SLC36A4: variants seen among roughly 807,000 people sequenced by gnomAD.
SLC36A4 encodes the protein solute carrier family 36 member 4.
SLC36A4 carries 49 observed loss-of-function variants against 50.5 expected under a neutral mutation model. The observed-to-expected ratio is 0.97, with a 90% CI of 0.77 to 1.23. The LOEUF (loss-of-function observed/expected upper bound fraction) is 1.23, where lower values mean the gene tolerates loss of function less well. Ranked by LOEUF, SLC36A4 falls within the 50% of genes most tolerant of loss-of-function variation. The pLI is 0.00. For missense variants in SLC36A4, 611 were observed against 608.4 expected (o/e 1.00, Z -0.05); for synonymous variants, 207 against 206.5 (o/e 1.00, Z -0.02).
At chr11:93,176,816 C>G (rs532307776) in intron 6 of SLC36A4, among the ~76,000 whole-genome samples, 27 of 152,156 alleles carry the variant, frequency 1.8e-4, no homozygotes, top group African/African-American at 5.6e-4. Context: ...GCCGAGAGAT[C>G]CACTGTTAAG....
At chr11:93,182,512 C>T (rs189574483) in intron 4 of SLC36A4, among the ~76,000 whole-genome samples, 1 of 152,178 alleles carries the variant, frequency 6.6e-6, no homozygotes, top group Admixed American at 6.5e-5. Flanking sequence ...GACTATTATG[C>T]TATAGCTAAA....
Position 93,194,602 on chromosome 11 carries a change from C to T in SLC36A4, c.55+3176G>A, listed in dbSNP as rs144312725. ...AATTCTTTTTTTAAATTAAATAACA[C>T]TTGGTCATTGTAGAAAATCAGAAAA... On this transcript the variant is annotated intron_variant, in intron 1 of 10. Coordinates refer to ENST00000326402, the MANE Select transcript of SLC36A4 (RefSeq NM_152313.4). Among the ~76,000 whole-genome samples the T allele has an allele frequency of 6.2e-4, 95 of 152,226 alleles. 2 individuals are homozygous for T. The East Asian group carries it at 0.018, about 28-fold the overall frequency.
chr11:93,191,146 A>C (rs1370308190), intron 1 of SLC36A4, among the ~76,000 whole-genome samples: 1 of 152,242 alleles, frequency 6.6e-6, no homozygotes, highest in Non-Finnish European at 1.5e-5. Context: ...AAATAGAGTC[A>C]ACTAGTCATT....
intron 7 of SLC36A4, among the ~76,000 whole-genome samples, chr11:93,167,697 T>C (rs1368047006): frequency 6.6e-6 from 1 of 152,116 alleles, no homozygotes; most frequent in Non-Finnish European, 1.5e-5. Context: ...TGAAGCACTG[T>C]CACAAAGCCC....
intron 8 of SLC36A4, 96 bp from the exon 9 acceptor site, chr11:93,162,971 A>G: frequency 9.0e-7 from 1 of 1,117,282 alleles, no homozygotes; most frequent in South Asian, 1.5e-5. Flanking sequence ...TATAGCCTAT[A>G]TGCAAATTTT....
At position 93,197,837 on chromosome 11, in the gene SLC36A4, C is replaced by A; in HGVS notation, c.-5G>T. The A allele has an allele frequency of 6.4e-7, 1 of 1,567,100 alleles. No homozygotes were observed. On this transcript the variant is annotated 5_prime_UTR_variant, in exon 1 of 11. Transcript: ENST00000326402. ...CGGCGTCGCCGCCGCTTCCATCTCT[C>A]GCGGGTCTCCAGGACGCCGCCGCCC...
intron 1 of SLC36A4, chr11:93,197,507 C>G (rs921255269): frequency 8.9e-5 from 46 of 519,590 alleles, no homozygotes; most frequent in South Asian, 1.5e-4. Context: ...CCCACAGGGC[C>G]CCGCCCCACT....
intron 1 of SLC36A4, 76 bp downstream of exon 1, chr11:93,197,702 G>C (rs955463242): frequency 6.1e-6 from 9 of 1,476,352 alleles, no homozygotes; most frequent in Non-Finnish European, 8.2e-6. Context: ...GGCCCCTGGA[G>C]GTGTGGGCGC....
At chr11:93,171,754 C>T (rs1055409147) in intron 6 of SLC36A4, 1 of 151,950 alleles carries the variant, frequency 6.6e-6, no homozygotes, top group African/African-American at 2.4e-5. Flanking sequence ...TATGTCTTAT[C>T]AGTTCTTGTT....
chr11:93,184,462 G>A lies in SLC36A4; in HGVS notation c.238C>T (p.Leu80Phe), dbSNP rs780712887. Residue 80 changes from leucine (L) to phenylalanine (F), a missense_variant, in exon 3 of 11, where the codon CTT (leucine) becomes TTT (phenylalanine). By Grantham distance (22) the Leu-to-Phe change is conservative. Transcript: ENST00000326402. ...KGNIGTGLLG[L>F]PLAIKNAGIV... is the part of the protein sequence containing the mutation. ...CCTGCATTTTTTATTGCCAATGGAA[G>A]TCCTAAAAGGCCAGTTCCAATATTT... 6.8e-6 allele frequency: 11 copies of A among 1,611,150 alleles called. No individual in the cohort carries two copies. In the East Asian group the frequency reaches 1.6e-4, roughly 23 times the overall value.
At chr11:93,162,951 A>G (rs1167347405) in intron 8 of SLC36A4, 76 bp from the exon 9 acceptor site, 12 of 1,419,072 alleles carry the variant, frequency 8.5e-6, no homozygotes, top group Middle Eastern at 4.4e-4. Context: ...ATACATACAA[A>G]TTGGTTGTTT....
chr11:93,154,743 G>A (rs1035808901), intron 9 of SLC36A4: 2 of 152,094 alleles, frequency 1.3e-5, no homozygotes, highest in Admixed American at 6.6e-5. Context: ...ATCAGTTGCA[G>A]AAATGTCATC....
At chr11:93,185,603 A>C in intron 2 of SLC36A4, 88 bp downstream of exon 2, 4 of 1,215,594 alleles carry the variant, frequency 3.3e-6, no homozygotes, top group Non-Finnish European at 4.5e-6. Context: ...GTGTCTTGTA[A>C]TGTAATAGAA....
chr11:93,175,411 T>C (rs1472985481), intron 6 of SLC36A4, among the ~76,000 whole-genome samples: 234 of 150,850 alleles, frequency 1.6e-3, no homozygotes, highest in East Asian at 0.011. Context: ...CCTGGATTCA[T>C]TGATTTTTTG....
chr11:93,165,825 A>C, intron 8 of SLC36A4, 93 bp downstream of exon 8: 1 of 745,314 alleles, frequency 1.3e-6, no homozygotes, highest in Non-Finnish European at 2.0e-6. Flanking sequence ...GAAATAAAAA[A>C]GAAAAATATG....
chr11:93,182,776 A>C, intron 4 of SLC36A4, 30 bp downstream of exon 4: 1 of 1,512,074 alleles, frequency 6.6e-7, no homozygotes, highest in Non-Finnish European at 9.1e-7. Context: ...ATAGCTTTAA[A>C]ATAAATAGGC....
At chr11:93,191,814 C>G (rs1470964926) in intron 1 of SLC36A4, among the ~76,000 whole-genome samples, 1 of 152,048 alleles carries the variant, frequency 6.6e-6, no homozygotes, top group Non-Finnish European at 1.5e-5. Context: ...GAGGAATAAG[C>G]CCTCTCACAA....
At position 93,169,159 on chromosome 11, in the gene SLC36A4, A is replaced by G. The variant is rs377078874; in HGVS notation, c.541-988T>C. 1.0e-3 allele frequency among the ~76,000 whole-genome samples: 156 copies of G among 152,240 alleles called. 2 individuals are homozygous for G. In the South Asian group the frequency reaches 0.031, roughly 30 times the overall value. Reference sequence around the variant, plus strand: ...TAATAATAGCTAGTGTTTTTTGAGTAATTTCTTTGTATCAGGTACTGAACT... The same window carrying G: ...TAATAATAGCTAGTGTTTTTTGAGTGATTTCTTTGTATCAGGTACTGAACT... On this transcript the variant is annotated intron_variant, in intron 6 of 10. Coordinates refer to ENST00000326402, the MANE Select transcript of SLC36A4 (RefSeq NM_152313.4).
chr11:93,197,708 G>C, intron 1 of SLC36A4, 70 bp downstream of exon 1: 2 of 1,509,870 alleles, frequency 1.3e-6, no homozygotes, highest in Non-Finnish European at 1.8e-6. Context: ...TGGAGGTGTG[G>C]GCGCACCCGA....
Sources: allele counts gnomAD v4.1 joint callset (sites outside exome capture counted in the v4.1 genomes callset), GRCh38; gene constraint gnomAD v4.1.1; transcripts MANE v1.5; gene names NCBI Gene and HGNC (gene_info 2026-07-23, HGNC 2026-07-21).